The following COL23A1 variants were observed in gnomAD, a reference collection of about 807,000 sequenced individuals.
COL23A1 encodes the protein collagen alpha-1(XXIII) chain.
A neutral mutation model predicts 99.3 loss-of-function variants in COL23A1; 97 were observed. That is an observed-to-expected ratio of 0.98 (90% confidence interval 0.83 to 1.16). The LOEUF is 1.16. Ranked by LOEUF, COL23A1 falls within the 50% of genes most tolerant of loss-of-function variation. COL23A1 has a pLI of 0.00. For synonymous variants in COL23A1, 320 were observed against 308.2 expected, an observed-to-expected ratio of 1.04 and a Z score of -0.40; for missense variants, 762 against 757.4, an observed-to-expected ratio of 1.01 and a Z score of -0.07.
At chr5:178,262,187 C>T (rs750192631) in intron 10 of COL23A1, 30 bp downstream of exon 10, 29 of 1,570,572 alleles carry the variant, frequency 1.8e-5, no homozygotes, top group Middle Eastern at 1.8e-4. Flanking sequence ...TCCTAGCAGC[C>T]CAGGCCTCTG....
At chr5:178,345,750 C>T (rs972230800) in intron 2 of COL23A1, among the ~76,000 whole-genome samples, 1 of 151,734 alleles carries the variant, frequency 6.6e-6, no homozygotes, top group African/African-American at 2.4e-5. Context: ...TGGTCTCAAT[C>T]TCCTGACCTC....
chr5:178,431,162 G>A (rs1766243236), intron 2 of COL23A1, among the ~76,000 whole-genome samples: 1 of 152,196 alleles, frequency 6.6e-6, no homozygotes, highest in Non-Finnish European at 1.5e-5. Context: ...CAGTGACAGA[G>A]GCATGAGAAG....
At position 178,254,932 on chromosome 5, in the gene COL23A1, C is replaced by T. The variant is rs777343531; in HGVS notation, c.960+17G>A. 5.6e-6 allele frequency: 9 copies of T among 1,595,006 alleles called. No homozygotes were observed. In the South Asian group the frequency reaches 6.6e-5, roughly 12 times the overall value. ...AATCGTATCTAAGGCACATCCTGGT[C>T]CCACCAGGAACACTACCTTGAGGGC... On this transcript the variant is annotated intron_variant, in intron 16 of 28. Transcript: ENST00000390654.
Position 178,587,409 on chromosome 5 carries a change from A to G in COL23A1, c.294+2495T>C, listed in dbSNP as rs555958355. Among the ~76,000 whole-genome samples, 38 of 152,316 alleles carry G rather than the reference A, an allele frequency of 2.5e-4. No homozygotes were observed. The South Asian group carries it at 3.3e-3, about 13-fold the overall frequency. ...AAGTTATTTCACAGTTCTGTTCCCA[A>G]GGGAACAAAGAGAGTGGGTCCCATA... On this transcript the variant is annotated intron_variant, in intron 1 of 28. Coordinates refer to ENST00000390654, the MANE Select transcript of COL23A1 (RefSeq NM_173465.4).
At chr5:178,513,705 G>T (rs1759344241) in intron 2 of COL23A1, among the ~76,000 whole-genome samples, 1 of 152,036 alleles carries the variant, frequency 6.6e-6, no homozygotes, top group African/African-American at 2.4e-5. Flanking sequence ...GTAGGACTAA[G>T]GTCCCCATGT....
At chr5:178,304,075 T>C (rs529071672) in intron 3 of COL23A1, among the ~76,000 whole-genome samples, 3 of 152,202 alleles carry the variant, frequency 2.0e-5, no homozygotes, top group South Asian at 2.1e-4. Context: ...GATAGAGACA[T>C]AGAAACACTG....
At chr5:178,332,343 G>A (rs1007992822) in intron 2 of COL23A1, among the ~76,000 whole-genome samples, 5 of 152,124 alleles carry the variant, frequency 3.3e-5, no homozygotes, top group African/African-American at 7.2e-5. Flanking sequence ...AGTGAGATTC[G>A]GACTCGGCAG....
chr5:178,371,123 T>A (rs1762778702), intron 2 of COL23A1, among the ~76,000 whole-genome samples: 1 of 152,228 alleles, frequency 6.6e-6, no homozygotes, highest in South Asian at 2.1e-4. Context: ...ATCAGAAACA[T>A]CATGCCGCAC....
intron 7 of COL23A1, among the ~76,000 whole-genome samples, chr5:178,267,658 C>T (rs766454570): frequency 3.3e-5 from 5 of 152,116 alleles, no homozygotes; most frequent in Non-Finnish European, 5.9e-5. Flanking sequence ...CTGGAAGGGA[C>T]GGTAATGAGT....
chr5:178,457,484 G>A (rs560356928), intron 2 of COL23A1, among the ~76,000 whole-genome samples: 11 of 152,260 alleles, frequency 7.2e-5, no homozygotes, highest in Admixed American at 3.9e-4. Flanking sequence ...CAAAGTGCTA[G>A]GATTACAGGC....
intron 2 of COL23A1, among the ~76,000 whole-genome samples, chr5:178,324,791 C>A (rs1759549801): frequency 6.6e-6 from 1 of 152,194 alleles, no homozygotes; most frequent in South Asian, 2.1e-4. Flanking sequence ...CCTCTCCCCA[C>A]CCGCTAATCT....
chr5:178,320,265 C>T (rs1013485665), intron 2 of COL23A1, among the ~76,000 whole-genome samples: 6 of 152,226 alleles, frequency 3.9e-5, no homozygotes, highest in Non-Finnish European at 7.3e-5. Context: ...GGCTGCAGCC[C>T]CTGAGTGGGG....
intron 2 of COL23A1, among the ~76,000 whole-genome samples, chr5:178,484,629 C>A (rs1427344032): frequency 6.6e-6 from 1 of 151,968 alleles, no homozygotes. Flanking sequence ...TGAGACCATC[C>A]TGGCTAACAC....
chr5:178,381,019 G>A (rs1002052134), intron 2 of COL23A1, among the ~76,000 whole-genome samples: 4 of 152,208 alleles, frequency 2.6e-5, no homozygotes, highest in Admixed American at 6.5e-5. Flanking sequence ...AGATTTCATC[G>A]TCAAGTCCTA....
chr5:178,295,468 GA>G (rs1280038520), intron 3 of COL23A1, among the ~76,000 whole-genome samples: 1 of 152,058 alleles, frequency 6.6e-6, no homozygotes, highest in Non-Finnish European at 1.5e-5. Context: ...TCAAAAAAAT[GA>G]AAAAAATCTC....
At chr5:178,357,303 C>A (rs1040700524) in intron 2 of COL23A1, among the ~76,000 whole-genome samples, 22 of 152,118 alleles carry the variant, frequency 1.4e-4, no homozygotes, top group Admixed American at 1.4e-3. Context: ...CTGTCCACGC[C>A]CTCAGGAGAA....
intron 2 of COL23A1, among the ~76,000 whole-genome samples, chr5:178,458,315 C>A (rs1025105970): frequency 6.6e-6 from 1 of 151,878 alleles, no homozygotes; most frequent in Non-Finnish European, 1.5e-5. Flanking sequence ...GGGTGCAGTT[C>A]TCTTTGTAGA....
chr5:178,249,187 CCT>C lies in COL23A1; in HGVS notation c.1077_1078del (p.Gly360ArgfsTer26), dbSNP rs1158342242. On this transcript the variant is annotated frameshift_variant, in exon 19 of 29. Transcript: ENST00000390654. LOFTEE classifies it high-confidence loss of function. The stretch of plus-strand genomic sequence containing the variant: ...TGCTGGCCCAGGCTCTCCTGGGTCT[CCT>C]TTCTGTCCTTTGGGGCCCTGAAAGC... The C allele has an allele frequency of 1.9e-6, 3 of 1,614,120 alleles. No individual in the cohort carries two copies. Among genetic ancestry groups the C allele is most frequent in the Non-Finnish European group, 2.5e-6 (3 of 1,180,028 alleles).
rs189633626 is a variant in COL23A1, at chr5:178,314,483, G to A, written c.362-7564C>T. On this transcript the variant is annotated intron_variant, in intron 2 of 28. Transcript: ENST00000390654. ...AGGTGGCTTGGACACGGTGCCATTC[G>A]GTGGATGAATGAATAGGGCCCTGTT... Among the ~76,000 whole-genome samples, 6 of 152,266 alleles carry A rather than the reference G, an allele frequency of 3.9e-5. No homozygotes were observed. The East Asian group carries it at 7.7e-4, about 20-fold the overall frequency.
Sources: gnomAD v4.1 joint callset for allele counts (sites outside exome capture counted in the v4.1 genomes callset) on GRCh38, gnomAD v4.1.1 for gene constraint, MANE v1.5 for transcripts, NCBI Gene and HGNC (gene_info 2026-07-23, HGNC 2026-07-21) for gene names.